The following STIM1 variants were observed in gnomAD, a reference collection of about 807,000 sequenced individuals.
The protein encoded by STIM1 is stromal interaction molecule 1.
A neutral mutation model predicts 74.7 loss-of-function variants in STIM1; 25 were observed. The ratio of observed to expected loss-of-function variants is 0.33; its 90% CI spans 0.24 to 0.47. STIM1 has a LOEUF of 0.47. Among genes scored for constraint, STIM1 ranks in the 20% least tolerant of loss-of-function variants. The pLI is 1.00. For missense variants in STIM1, 728 were observed against 920.8 expected, an observed-to-expected ratio of 0.79 and a Z score of 2.71; for synonymous variants, 328 against 348.8, an observed-to-expected ratio of 0.94 and a Z score of 0.66.
In STIM1 at chr11:3,908,954, A is replaced by G. The variant is rs189964105; in HGVS notation, c.139+52545A>G. On this transcript the variant is annotated intron_variant, in intron 1 of 12. Transcript: ENST00000526596. ...ACCATTTGACCCATATTTGGCTTGC[A>G]TACACAGAAAGTGAGGGGGGTTTTA... Among the ~76,000 whole-genome samples the G allele has an allele frequency of 2.8e-3, 421 of 152,324 alleles. 4 individuals carry two copies. Among genetic ancestry groups the G allele is most frequent in the African/African-American group, 9.7e-3 (403 of 41,558 alleles).
At chr11:3,966,551 T>C (rs2093342512) in intron 1 of STIM1, among the ~76,000 whole-genome samples, 1 of 152,214 alleles carries the variant, frequency 6.6e-6, no homozygotes, top group African/African-American at 2.4e-5. Context: ...TTAAGATCTA[T>C]CTTCTTTGAG....
chr11:3,958,354 G>C (rs2093243163), intron 1 of STIM1, among the ~76,000 whole-genome samples: 1 of 152,050 alleles, frequency 6.6e-6, no homozygotes, highest in East Asian at 1.9e-4. Context: ...AAAATAAAAA[G>C]GAAGTTAGAG....
Position 4,082,222 on chromosome 11 carries a change from A to C in STIM1, c.1008A>C (p.Glu336Asp). Residue 336 changes from glutamate (E) to aspartate (D), a missense_variant, in exon 8 of 13, where the codon GAA becomes GAC. By Grantham distance (45) the Glu-to-Asp change is conservative. This residue lies in a region of STIM1 where 131 missense variants were observed against 235.9 expected (regional missense o/e 0.56). Transcript: ENST00000526596. The part of the protein sequence containing the change: ...EALRKAEKEL[E>D]SHSSWYAPEA... The stretch of plus-strand genomic sequence containing the variant: ...TGAGGAAAGCAGAGAAGGAGCTAGA[A>C]TCTCACAGCTCATGGTATGCTCCAG... The C allele has an allele frequency of 6.2e-7, 1 of 1,614,052 alleles. No individual in the cohort carries two copies. The highest frequency in any genetic ancestry group is 8.5e-7 in the Non-Finnish European group (1 of 1,180,018).
At chr11:3,900,372 AC>A (rs1565107589) in intron 1 of STIM1, among the ~76,000 whole-genome samples, 1 of 151,968 alleles carries the variant, frequency 6.6e-6, no homozygotes, top group Non-Finnish European at 1.5e-5. Flanking sequence ...GAACTCCCTG[AC>A]CCCTTGCACT....
At chr11:4,013,976 G>C (rs2093869467) in intron 2 of STIM1, among the ~76,000 whole-genome samples, 1 of 151,734 alleles carries the variant, frequency 6.6e-6, no homozygotes, top group Admixed American at 6.6e-5. Context: ...CAAAGTGCTG[G>C]GATTACAGGC....
chr11:3,968,068 G>C (rs938801823), intron 2 of STIM1, among the ~76,000 whole-genome samples: 4 of 152,194 alleles, frequency 2.6e-5, no homozygotes, highest in African/African-American at 4.8e-5. Context: ...ATGAGGGATA[G>C]AAGATAAGAC....
At chr11:4,029,011 C>T (rs1267868078) in intron 3 of STIM1, among the ~76,000 whole-genome samples, 3 of 151,968 alleles carry the variant, frequency 2.0e-5, no homozygotes, top group African/African-American at 7.2e-5. Flanking sequence ...CATGGTGAAA[C>T]CCCATCTCTA....
At chr11:4,035,146 G>T (rs1158741110) in intron 3 of STIM1, among the ~76,000 whole-genome samples, 1 of 151,586 alleles carries the variant, frequency 6.6e-6, no homozygotes, top group Admixed American at 6.6e-5. Flanking sequence ...TTTTAGTTTG[G>T]TAAGGTGAAA....
At chr11:4,002,946 A>C (rs2093734915) in intron 2 of STIM1, among the ~76,000 whole-genome samples, 1 of 145,664 alleles carries the variant, frequency 6.9e-6, no homozygotes, top group African/African-American at 2.5e-5. Flanking sequence ...ACCATCAGAG[A>C]ATACTACAAA....
chr11:4,090,101 T>C (rs1184646480), intron 12 of STIM1, among the ~76,000 whole-genome samples: 1 of 152,172 alleles, frequency 6.6e-6, no homozygotes, highest in Non-Finnish European at 1.5e-5. Flanking sequence ...AACTCAGCCT[T>C]GCAAAGAAGC....
intron 2 of STIM1, among the ~76,000 whole-genome samples, chr11:4,011,533 G>T (rs2093836101): frequency 6.6e-6 from 1 of 152,180 alleles, no homozygotes; most frequent in Non-Finnish European, 1.5e-5. Context: ...CTTTTGAGAA[G>T]TGTCTGTTCA....
chr11:3,885,863 C>G (rs1406248311), intron 1 of STIM1, among the ~76,000 whole-genome samples: 1 of 152,194 alleles, frequency 6.6e-6, no homozygotes, highest in African/African-American at 2.4e-5. Flanking sequence ...GTGTCAAACT[C>G]CTGGGCTCAA....
At chr11:3,991,345 T>C (rs924619121) in intron 2 of STIM1, among the ~76,000 whole-genome samples, 2 of 151,684 alleles carry the variant, frequency 1.3e-5, no homozygotes, top group African/African-American at 4.8e-5. Context: ...TTTCTTTGTA[T>C]TGTTTTGTAG....
intron 2 of STIM1, chr11:3,974,076 TG>T: frequency 1.4e-6 from 1 of 703,946 alleles, no homozygotes; most frequent in Non-Finnish European, 2.6e-6. Flanking sequence ...CCAAAGCCCC[TG>T]GAGCACTTGG....
At chr11:3,906,892 G>C (rs766638164) in intron 1 of STIM1, among the ~76,000 whole-genome samples, 1 of 152,194 alleles carries the variant, frequency 6.6e-6, no homozygotes, top group African/African-American at 2.4e-5. Flanking sequence ...TAAGAAAATT[G>C]AGGGTAAAAG....
intron 1 of STIM1, among the ~76,000 whole-genome samples, chr11:3,889,470 C>T (rs186528624): frequency 7.9e-5 from 12 of 151,624 alleles, no homozygotes; most frequent in East Asian, 5.8e-4. Flanking sequence ...TGGGTCCAAG[C>T]GATTCTCTTA....
chr11:4,001,621 A>G (rs962003933), intron 2 of STIM1, among the ~76,000 whole-genome samples: 1 of 152,248 alleles, frequency 6.6e-6, no homozygotes, highest in African/African-American at 2.4e-5. Context: ...GGTACCAGCC[A>G]CTGCAAAATC....
chr11:4,038,523 G>A (rs898383768), intron 3 of STIM1, among the ~76,000 whole-genome samples: 4 of 152,116 alleles, frequency 2.6e-5, no homozygotes, highest in African/African-American at 7.2e-5. Flanking sequence ...CATAAGCTGG[G>A]GCAATTGTAT....
chr11:4,006,816 G>A (rs374054320), intron 2 of STIM1, among the ~76,000 whole-genome samples: 1 of 152,144 alleles, frequency 6.6e-6, no homozygotes, highest in Non-Finnish European at 1.5e-5. Flanking sequence ...GGGAATGGAG[G>A]TGGGACAATT....
Sources: allele counts gnomAD v4.1 joint callset (sites outside exome capture counted in the v4.1 genomes callset), GRCh38; gene constraint gnomAD v4.1.1; regional missense constraint gnomAD v4.1.1; transcripts MANE v1.5; gene names NCBI Gene and HGNC (gene_info 2026-07-23, HGNC 2026-07-21).